CACNA2D2: variants seen among roughly 807,000 people sequenced by gnomAD.
CACNA2D2 encodes the protein calcium voltage-gated channel auxiliary subunit alpha2delta 2.
A neutral mutation model predicts 166.4 loss-of-function variants in CACNA2D2; 48 were observed. The ratio of observed to expected loss-of-function variants is 0.29; its 90% CI spans 0.23 to 0.37. The LOEUF (loss-of-function observed/expected upper bound fraction) is 0.37, where lower values mean the gene tolerates loss of function less well. Ranked by LOEUF, CACNA2D2 falls within the 10% of genes least tolerant of loss-of-function variation. The pLI is 1.00. For synonymous variants in CACNA2D2, 561 were observed against 573.7 expected (o/e 0.98, Z 0.32); for missense variants, 1,122 against 1,433.0 (o/e 0.78, Z 3.50).
At chr3:50,388,469 T>C (rs1705720661) in intron 4 of CACNA2D2, among the ~76,000 whole-genome samples, 1 of 152,216 alleles carries the variant, frequency 6.6e-6, no homozygotes, top group Admixed American at 6.5e-5. Flanking sequence ...CCCTGTTCTG[T>C]ACGGCAAAAA....
chr3:50,377,272 T>C (rs1705042117), intron 17 of CACNA2D2, among the ~76,000 whole-genome samples, 195 bp downstream of exon 17: 1 of 152,206 alleles, frequency 6.6e-6, no homozygotes, highest in Non-Finnish European at 1.5e-5. Flanking sequence ...ATATTCAGTC[T>C]GGCCCTTTAC....
chr3:50,478,306 T>C (rs1306732500), intron 1 of CACNA2D2, among the ~76,000 whole-genome samples: 2 of 152,144 alleles, frequency 1.3e-5, no homozygotes, highest in Non-Finnish European at 2.9e-5. Flanking sequence ...TGGTTGTGGG[T>C]GGACAACATA....
intron 3 of CACNA2D2, among the ~76,000 whole-genome samples, chr3:50,415,647 GA>G (rs1394941495): frequency 1.3e-5 from 2 of 152,202 alleles, no homozygotes; most frequent in Non-Finnish European, 2.9e-5. Flanking sequence ...CCTCACCAAG[GA>G]ACTCACTGCT....
At chr3:50,372,051 T>C (rs758554473) in intron 22 of CACNA2D2, among the ~76,000 whole-genome samples, 2 of 152,010 alleles carry the variant, frequency 1.3e-5, no homozygotes, top group African/African-American at 2.4e-5. Flanking sequence ...GACATCCTCT[T>C]GTGGCTCTCC....
At chr3:50,398,311 A>G (rs995170814) in intron 3 of CACNA2D2, among the ~76,000 whole-genome samples, 2 of 151,872 alleles carry the variant, frequency 1.3e-5, no homozygotes, top group African/African-American at 4.8e-5. Context: ...GGCCCTGCAC[A>G]TGCTGCTCCC....
At chr3:50,369,727 TGAGCGTGCACTCCGG>T (rs1704549615) in intron 23 of CACNA2D2, among the ~76,000 whole-genome samples, 2 of 152,240 alleles carry the variant, frequency 1.3e-5, no homozygotes, top group Admixed American at 1.3e-4. Context: ...GTGTGCACAC[TGAGCGTGCACTCCGG>T]GATGGTCCAG....
chr3:50,428,046 C>A (rs1346850553), intron 3 of CACNA2D2, among the ~76,000 whole-genome samples: 1 of 152,200 alleles, frequency 6.6e-6, no homozygotes, highest in African/African-American at 2.4e-5. Context: ...CCGAGGCCCC[C>A]AGTATCTCCC....
At chr3:50,382,087 G>A (rs2106676479) in intron 6 of CACNA2D2, among the ~76,000 whole-genome samples, 1 of 152,172 alleles carries the variant, frequency 6.6e-6, no homozygotes, top group East Asian at 1.9e-4. Flanking sequence ...CAGAGATCCA[G>A]GATGGTTTGA....
At chr3:50,481,832 C>T (rs1470225130) in intron 1 of CACNA2D2, among the ~76,000 whole-genome samples, 1 of 151,942 alleles carries the variant, frequency 6.6e-6, no homozygotes, top group African/African-American at 2.4e-5. Context: ...CCTGTCTCTA[C>T]AAAAAATACA....
At chr3:50,446,284 A>G (rs1001045898) in intron 2 of CACNA2D2, among the ~76,000 whole-genome samples, 3 of 152,282 alleles carry the variant, frequency 2.0e-5, no homozygotes, top group Admixed American at 1.3e-4. Context: ...GAGCCTCCAC[A>G]CCGGCCATCC....
chr3:50,409,218 G>A (rs938633710), intron 3 of CACNA2D2, among the ~76,000 whole-genome samples: 3 of 152,216 alleles, frequency 2.0e-5, no homozygotes, highest in African/African-American at 7.2e-5. Context: ...CTGAAGTGCT[G>A]GCCACATGGA....
chr3:50,380,758 T>A lies in CACNA2D2; in HGVS notation c.832A>T (p.Arg278Trp). 1.9e-6 allele frequency: 3 copies of A among 1,544,094 alleles called. No individual in the cohort carries two copies. Among genetic ancestry groups the A allele is most frequent in the Non-Finnish European group, 2.6e-6 (3 of 1,145,126 alleles). The change falls in exon 8 of 38, where the codon AGG becomes TGG. Residue 278 changes from arginine to tryptophan, a missense_variant. Coordinates refer to ENST00000424201, the MANE Select transcript of CACNA2D2 (RefSeq NM_006030.4). The surrounding 1 kb of genome is among the most constrained non-coding windows in gnomAD (Gnocchi z 4.9). ...TTCTTGCTCGCTCACCAGGGTCTCC[T>A]TCGGACATCGTACAGGTCGATCTTC... ...PKKIDLYDVR[R>W]RPWYIQGASS...
rs1425766250 is a variant in CACNA2D2 at position 50,365,702 on chromosome 3, G to C, written c.2916-14C>G. 1.3e-6 allele frequency: 2 copies of C among 1,592,740 alleles called. No homozygotes were observed. The highest frequency in any genetic ancestry group is 1.7e-6 in the Non-Finnish European group (2 of 1,170,126). ...TGGAACAGGGACCTGCAGCGCACGG[G>C]GAGCCGAGTGCAGGTGGTCAGCAGA... is the stretch of plus-strand genomic sequence containing the variant. On this transcript the variant is annotated splice_polypyrimidine_tract_variant and intron_variant, in intron 33 of 37. Transcript: ENST00000424201. This position sits in a 1 kb window ranked among gnomAD's most constrained non-coding sequence, Gnocchi z 4.5.
rs1707872665 is a variant in CACNA2D2, at chr3:50,427,798, T to C, written c.405+6515A>G. 6.6e-6 allele frequency among the ~76,000 whole-genome samples: 1 copy of C among 152,192 alleles called. No homozygotes were observed. On this transcript the variant is annotated intron_variant, in intron 3 of 37. Transcript: ENST00000424201. This position sits in a 1 kb window ranked among gnomAD's most constrained non-coding sequence, Gnocchi z 4.7. ...AATGTTCACCAGTTTGCAGAACTCG[T>C]GTTCTGTTCCAGGCCAGGCCTTGGC... is the stretch of plus-strand genomic sequence containing the variant.
chr3:50,470,125 G>C (rs534334589), intron 2 of CACNA2D2, among the ~76,000 whole-genome samples: 2 of 152,202 alleles, frequency 1.3e-5, no homozygotes, highest in Non-Finnish European at 2.9e-5. Context: ...CTGCCCCAGC[G>C]CTGCCCTGCC....
At chr3:50,475,572 T>A (rs914927978) in intron 2 of CACNA2D2, among the ~76,000 whole-genome samples, 2 of 152,146 alleles carry the variant, frequency 1.3e-5, no homozygotes, top group Non-Finnish European at 2.9e-5. Context: ...GCTCTTCACA[T>A]CACTATTTCA....
At chr3:50,481,537 G>A (rs1462788391) in intron 1 of CACNA2D2, among the ~76,000 whole-genome samples, 3 of 152,210 alleles carry the variant, frequency 2.0e-5, no homozygotes, top group Admixed American at 2.0e-4. Context: ...CAGGACAGCA[G>A]GAGGCTGGGG....
At chr3:50,368,457 G>A (rs915820548) in intron 23 of CACNA2D2, among the ~76,000 whole-genome samples, 1 of 152,094 alleles carries the variant, frequency 6.6e-6, no homozygotes, top group Non-Finnish European at 1.5e-5. Context: ...TTCTCCATTC[G>A]GGCAGCTGCT....
rs587638444 is a variant in CACNA2D2, at chr3:50,376,314, GC to G, written c.1627-127del. 8.7e-4 allele frequency: 857 copies of G among 984,012 alleles called. 10 individuals are homozygous for G. In the African/African-American group the frequency reaches 0.011, roughly 12 times the overall value. 61.0% of individuals were successfully genotyped at this position (984,012 alleles called of 1,614,324 possible). A position where few individuals can be genotyped will look rare whatever the true frequency, so the allele number is the denominator to read the frequency against. ...TCTGTTTGCCTGCCTTGGGCTAAGG[GC>G]CCCCCCATGCCACGTGGCCCTAAGC... On this transcript the variant is annotated intron_variant, in intron 17 of 37. Coordinates refer to ENST00000424201, the MANE Select transcript of CACNA2D2 (RefSeq NM_006030.4). This position sits in a 1 kb window ranked among gnomAD's most constrained non-coding sequence, Gnocchi z 4.3.
Sources: allele counts gnomAD v4.1 joint callset (sites outside exome capture counted in the v4.1 genomes callset), GRCh38; gene constraint gnomAD v4.1.1; non-coding constraint Gnocchi (gnomAD v3.1); transcripts MANE v1.5; gene names NCBI Gene and HGNC (gene_info 2026-07-23, HGNC 2026-07-21).